The following SGCD variants were observed in gnomAD, a reference collection of about 807,000 sequenced individuals.
SGCD encodes the protein delta-sarcoglycan.
SGCD carries 18 observed loss-of-function variants against 36.6 expected under a neutral mutation model. That is an observed-to-expected ratio of 0.49 (90% CI 0.34 to 0.73). SGCD has a LOEUF of 0.73. Among genes scored for constraint, SGCD ranks in the 30% least tolerant of loss-of-function variants. The pLI is 0.01. For synonymous variants in SGCD, 133 were observed against 130.6 expected (o/e 1.02, Z -0.12); for missense variants, 387 against 346.7 (o/e 1.12, Z -0.92).
intron 2 of SGCD, among the ~76,000 whole-genome samples, chr5:156,339,436 G>T (rs1466636790): frequency 6.6e-6 from 1 of 152,172 alleles, no homozygotes; most frequent in Non-Finnish European, 1.5e-5. Flanking sequence ...TTCTGATATA[G>T]CTAGTTACTT....
At chr5:156,169,584 A>G (rs1561548144) in intron 3 of SGCD, among the ~76,000 whole-genome samples, 2 of 152,210 alleles carry the variant, frequency 1.3e-5, no homozygotes, top group Non-Finnish European at 2.9e-5. Context: ...GGAAATGACT[A>G]TATAAGATGC....
chr5:155,974,373 A>G (rs1758067191), intron 1 of SGCD, among the ~76,000 whole-genome samples: 1 of 152,076 alleles, frequency 6.6e-6, no homozygotes, highest in Admixed American at 6.5e-5. Context: ...GTTGTATCCC[A>G]TGTAAGAGTG....
At chr5:155,728,477 C>T in the SGCD span, among the ~76,000 whole-genome samples, 14 of 152,186 alleles carry the variant, frequency 9.2e-5, no homozygotes, top group African/African-American at 2.9e-4. Flanking sequence ...CGGATTGAAG[C>T]GAGCTGGGCT....
chr5:155,809,621 A>C, the SGCD span, among the ~76,000 whole-genome samples: 1 of 152,218 alleles, frequency 6.6e-6, no homozygotes, highest in Non-Finnish European at 1.5e-5. Context: ...GGAACAGGGA[A>C]GTGAAGACAG....
intron 3 of SGCD, among the ~76,000 whole-genome samples, chr5:156,189,912 G>A (rs1763849757): frequency 6.6e-6 from 1 of 152,136 alleles, no homozygotes; most frequent in East Asian, 1.9e-4. Flanking sequence ...AGGACACCAT[G>A]TTCTCATTTA....
chr5:156,393,932 A>G, intron 3 of SGCD: 2 of 419,014 alleles, frequency 4.8e-6, no homozygotes, highest in Admixed American at 5.1e-5. Context: ...AGAGATGGGT[A>G]AGACCTGATT....
intron 6 of SGCD, among the ~76,000 whole-genome samples, chr5:156,620,716 G>A (rs17053678): frequency 0.031 from 4,769 of 152,214 alleles, 248 homozygotes; most frequent in African/African-American, 0.11. Flanking sequence ...AGCTGCCATC[G>A]TTTTTTCCAG....
At chr5:156,756,649 C>A (rs574485101) in intron 7 of SGCD, among the ~76,000 whole-genome samples, 2 of 152,256 alleles carry the variant, frequency 1.3e-5, no homozygotes, top group Admixed American at 1.3e-4. Flanking sequence ...GAGTATTATC[C>A]TGTTTTGCCA....
the SGCD span, among the ~76,000 whole-genome samples, chr5:155,814,393 G>A: frequency 6.6e-6 from 1 of 152,094 alleles, no homozygotes; most frequent in Non-Finnish European, 1.5e-5. Context: ...CTCTTGCTAC[G>A]TATTCTCATT....
chr5:156,465,867 A>G (rs1485580833), intron 3 of SGCD, among the ~76,000 whole-genome samples: 1 of 152,200 alleles, frequency 6.6e-6, no homozygotes, highest in Non-Finnish European at 1.5e-5. Context: ...CAGCAACAGG[A>G]CTCAGCACTT....
intron 6 of SGCD, among the ~76,000 whole-genome samples, chr5:156,622,904 G>C (rs1242993579): frequency 6.6e-6 from 1 of 152,118 alleles, no homozygotes; most frequent in Non-Finnish European, 1.5e-5. Flanking sequence ...AGCTTCAGGG[G>C]AGAATGACGG....
chr5:156,133,024 G>A (rs2053037), intron 3 of SGCD, among the ~76,000 whole-genome samples: 1 of 152,190 alleles, frequency 6.6e-6, no homozygotes, highest in Non-Finnish European at 1.5e-5. Flanking sequence ...TGTTGAGTCA[G>A]GAGTTATACT....
intron 3 of SGCD, among the ~76,000 whole-genome samples, chr5:156,394,685 G>C (rs890052311): frequency 6.6e-6 from 1 of 152,166 alleles, no homozygotes; most frequent in Admixed American, 6.5e-5. Flanking sequence ...GTAAGTGTCT[G>C]CTTTTTTCCT....
intron 7 of SGCD, among the ~76,000 whole-genome samples, chr5:156,671,431 C>A (rs773094057): frequency 2.6e-5 from 4 of 152,038 alleles, no homozygotes; most frequent in Non-Finnish European, 4.4e-5. Context: ...CACCACTACA[C>A]CTGGCTAATT....
intron 1 of SGCD, among the ~76,000 whole-genome samples, chr5:155,947,648 C>T (rs1368328): frequency 0.19 from 29,272 of 151,880 alleles, 3,406 homozygotes; most frequent in Admixed American, 0.38. Flanking sequence ...GAGAAACATC[C>T]TAAAGAAGTA....
At chr5:156,589,628 G>T (rs570962470) in intron 5 of SGCD, among the ~76,000 whole-genome samples, 4 of 152,274 alleles carry the variant, frequency 2.6e-5, no homozygotes, top group Non-Finnish European at 4.4e-5. Flanking sequence ...CCAAAGAAAA[G>T]CTTCTTGCTC....
intron 4 of SGCD, among the ~76,000 whole-genome samples, chr5:156,545,722 G>A (rs1012826733): frequency 2.6e-5 from 4 of 152,134 alleles, no homozygotes; most frequent in Non-Finnish European, 4.4e-5. Flanking sequence ...CCCTGTACCC[G>A]TCTTCGGCCT....
intron 4 of SGCD, among the ~76,000 whole-genome samples, chr5:156,554,514 CTG>C: frequency 6.6e-6 from 1 of 150,384 alleles, no homozygotes; most frequent in African/African-American, 2.5e-5. Context: ...ATAGGAAAAA[CTG>C]TTTGTGTATA....
intron 3 of SGCD, among the ~76,000 whole-genome samples, chr5:156,204,254 C>CCCCATA (rs1396058345): frequency 3.9e-5 from 6 of 151,992 alleles, no homozygotes; most frequent in Non-Finnish European, 7.4e-5. Context: ...GTGGCCAGCA[C>CCCCATA]AGAGCTTTTT....
Sources: allele counts gnomAD v4.1 joint callset (sites outside exome capture counted in the v4.1 genomes callset), GRCh38; gene constraint gnomAD v4.1.1; transcripts MANE v1.5; gene names NCBI Gene and HGNC (gene_info 2026-07-23, HGNC 2026-07-21).